The following KCNIP4 variants were observed in gnomAD, a reference collection of about 807,000 sequenced individuals.
The protein encoded by KCNIP4 is potassium voltage-gated channel interacting protein 4, also known as Kv channel-interacting protein 4.
KCNIP4 carries 12 observed loss-of-function variants against 34.0 expected under a neutral mutation model. The observed-to-expected ratio is 0.35, with a 90% confidence interval of 0.23 to 0.57. The LOEUF (loss-of-function observed/expected upper bound fraction) is 0.57, where lower values mean the gene tolerates loss of function less well. KCNIP4 is among the 20% of genes least tolerant of loss of function. KCNIP4 has a pLI of 0.83. For missense variants in KCNIP4, 238 were observed against 311.7 expected (o/e 0.76, Z 1.78); for synonymous variants, 124 against 102.2 (o/e 1.21, Z -1.29).
intron 1 of KCNIP4, among the ~76,000 whole-genome samples, chr4:21,442,378 G>A (rs1470967136): frequency 6.6e-6 from 1 of 152,190 alleles, no homozygotes; most frequent in Non-Finnish European, 1.5e-5. Context: ...AAAGGGCAAA[G>A]ATCTTTAGTC....
chr4:21,838,383 T>C (rs1359985328), intron 1 of KCNIP4, among the ~76,000 whole-genome samples: 1 of 152,216 alleles, frequency 6.6e-6, no homozygotes, highest in Non-Finnish European at 1.5e-5. Flanking sequence ...CAATTCCTAA[T>C]GTTCTTCGTG....
intron 1 of KCNIP4, among the ~76,000 whole-genome samples, chr4:21,331,202 T>C (rs1011005372): frequency 2.6e-5 from 4 of 152,136 alleles, no homozygotes; most frequent in African/African-American, 9.7e-5. Flanking sequence ...CTTCCTGATC[T>C]CAATAGTTCA....
intron 1 of KCNIP4, among the ~76,000 whole-genome samples, chr4:21,662,048 A>G (rs1577784985): frequency 6.6e-6 from 1 of 152,284 alleles, no homozygotes; most frequent in Non-Finnish European, 1.5e-5. Flanking sequence ...GTGCCTTTTC[A>G]GAAAGGTGTT....
intron 1 of KCNIP4, among the ~76,000 whole-genome samples, chr4:21,010,434 C>CT (rs1170530291): frequency 3.9e-5 from 6 of 152,124 alleles, no homozygotes; most frequent in Non-Finnish European, 5.9e-5. Context: ...GGCAGAGCAC[C>CT]TTTTTTTAAT....
chr4:21,357,257 C>T (rs974839934), intron 1 of KCNIP4, among the ~76,000 whole-genome samples: 12 of 152,058 alleles, frequency 7.9e-5, no homozygotes, highest in African/African-American at 2.9e-4. Flanking sequence ...TAGGCTTGGG[C>T]AAAGACTTCA....
chr4:21,376,287 A>G (rs1720954008), intron 1 of KCNIP4, among the ~76,000 whole-genome samples: 1 of 152,156 alleles, frequency 6.6e-6, no homozygotes, highest in Non-Finnish European at 1.5e-5. Context: ...CTTAAAGTAG[A>G]AATGGTTTCC....
chr4:20,946,173 C>T (rs944680032), intron 1 of KCNIP4, among the ~76,000 whole-genome samples: 1 of 152,084 alleles, frequency 6.6e-6, no homozygotes, highest in African/African-American at 2.4e-5. Context: ...GAAAAGCAAA[C>T]ATATGTCCAG....
At chr4:21,519,785 ATGTG>A (rs200025206) in intron 1 of KCNIP4, among the ~76,000 whole-genome samples, 2 of 128,578 alleles carry the variant, frequency 1.6e-5, no homozygotes, top group African/African-American at 3.2e-5. Context: ...ACGTGTGTGT[ATGTG>A]TGTGTATACA....
chr4:21,849,555 A>C (rs1164909815), intron 1 of KCNIP4: 1 of 152,142 alleles, frequency 6.6e-6, no homozygotes, highest in Non-Finnish European at 1.5e-5. Context: ...AGCAGAAAAA[A>C]ATCAATCCAA....
intron 1 of KCNIP4, among the ~76,000 whole-genome samples, chr4:21,116,521 G>C (rs1214183080): frequency 6.6e-6 from 1 of 152,148 alleles, no homozygotes; most frequent in Non-Finnish European, 1.5e-5. Context: ...CTTTCCTCTG[G>C]ATAGCTTTTC....
At chr4:21,031,362 A>G (rs913916510) in intron 1 of KCNIP4, among the ~76,000 whole-genome samples, 2 of 152,310 alleles carry the variant, frequency 1.3e-5, no homozygotes, top group East Asian at 1.9e-4. Context: ...TTTGTGATAA[A>G]TTAATGTTTA....
rs77214885 is a variant in KCNIP4 at position 21,375,445 on chromosome 4, C to T, written c.62-492736G>A. On this transcript the variant is annotated intron_variant, in intron 1 of 8. Transcript: ENST00000382152. ...CTGAGGGGCTAATAATGTACTTACA[C>T]TATAGTGGTAAAGATAACATGGGAA... is the stretch of plus-strand genomic sequence containing the variant. Among the ~76,000 whole-genome samples the T allele has an allele frequency of 9.8e-3, 1,498 of 152,194 alleles. 33 individuals are homozygous for T. Among genetic ancestry groups the T allele is most frequent in the African/African-American group, 0.034 (1,419 of 41,526 alleles).
intron 1 of KCNIP4, among the ~76,000 whole-genome samples, chr4:21,885,937 TTG>T (rs1726739031): frequency 6.6e-6 from 1 of 152,122 alleles, no homozygotes; most frequent in Non-Finnish European, 1.5e-5. Flanking sequence ...ATCTATCGGC[TTG>T]TGTCTTCTAT....
chr4:21,202,933 T>C (rs947903227), intron 1 of KCNIP4, among the ~76,000 whole-genome samples: 2 of 152,174 alleles, frequency 1.3e-5, no homozygotes, highest in Non-Finnish European at 2.9e-5. Context: ...CTCTCCTCCA[T>C]TGTCACCTCT....
chr4:21,796,411 C>G (rs538074610), intron 1 of KCNIP4, among the ~76,000 whole-genome samples: 1 of 152,118 alleles, frequency 6.6e-6, no homozygotes, highest in Non-Finnish European at 1.5e-5. Context: ...GTCTTTCCTA[C>G]GCCAGACTGT....
chr4:21,856,606 A>C (rs1421331449), intron 1 of KCNIP4, among the ~76,000 whole-genome samples: 6 of 152,102 alleles, frequency 3.9e-5, no homozygotes. Flanking sequence ...ATGCCTGTGC[A>C]CTTGGGGGCT....
In KCNIP4 at chr4:21,106,203, T is replaced by C. The variant is rs1314634300; in HGVS notation, c.62-223494A>G. Among the ~76,000 whole-genome samples, 3 of 146,732 alleles carry C rather than the reference T, an allele frequency of 2.0e-5. No homozygotes were observed. In the East Asian group the frequency reaches 5.9e-4, roughly 29 times the overall value. On this transcript the variant is annotated intron_variant, in intron 1 of 8. Coordinates refer to ENST00000382152, the MANE Select transcript of KCNIP4 (RefSeq NM_025221.6). The stretch of plus-strand genomic sequence containing the variant: ...TTCCTCCTTGTGCCTCTGGTAGAAT[T>C]CGGCTGTGAATCCATCTGGTCCTGG...
At chr4:21,610,557 CAGA>C (rs1274050806) in intron 1 of KCNIP4, among the ~76,000 whole-genome samples, 1 of 152,034 alleles carries the variant, frequency 6.6e-6, no homozygotes, top group Admixed American at 6.6e-5. Flanking sequence ...GCCCATAACA[CAGA>C]AGAAAAACAC....
intron 1 of KCNIP4, among the ~76,000 whole-genome samples, chr4:21,443,999 C>T (rs1402273500): frequency 6.6e-6 from 1 of 152,138 alleles, no homozygotes; most frequent in Non-Finnish European, 1.5e-5. Flanking sequence ...ATAAACACCT[C>T]TATGCAAATA....
Sources: allele counts gnomAD v4.1 joint callset (sites outside exome capture counted in the v4.1 genomes callset), GRCh38; gene constraint gnomAD v4.1.1; transcripts MANE v1.5; gene names NCBI Gene and HGNC (gene_info 2026-07-23, HGNC 2026-07-21).